Variants in DLGAP1 observed in about 807,000 individuals in gnomAD.
DLGAP1 encodes the protein disks large-associated protein 1.
A neutral mutation model predicts 90.8 loss-of-function variants in DLGAP1; 11 were observed. That is an observed-to-expected ratio of 0.12 (90% CI 0.08 to 0.20). The LOEUF is 0.20. DLGAP1 is among the 10% of genes least tolerant of loss of function. The probability of loss-of-function intolerance (pLI) is 1.00; values close to 1 mark genes in which losing one functional copy is unlikely to be tolerated. For synonymous variants in DLGAP1, 558 were observed against 540.7 expected, an observed-to-expected ratio of 1.03 and a Z score of -0.44; for missense variants, 1,050 against 1,333.8, an observed-to-expected ratio of 0.79 and a Z score of 3.31.
At chr18:3,817,116 G>A (rs2067144361) in intron 4 of DLGAP1, among the ~76,000 whole-genome samples, 1 of 62,462 alleles carries the variant, frequency 1.6e-5, no homozygotes, top group Non-Finnish European at 3.4e-5. Flanking sequence ...ACTTGGTACA[G>A]CTGAGGGTCA....
intron 1 of DLGAP1, among the ~76,000 whole-genome samples, chr18:4,267,862 C>G (rs1054998719): frequency 6.6e-6 from 1 of 152,130 alleles, no homozygotes; most frequent in Non-Finnish European, 1.5e-5. Context: ...AGCCGGCTTC[C>G]CTGAGTGAGT....
intron 1 of DLGAP1, among the ~76,000 whole-genome samples, chr18:4,412,932 C>T (rs2082810808): frequency 6.6e-6 from 1 of 152,140 alleles, no homozygotes; most frequent in Non-Finnish European, 1.5e-5. Flanking sequence ...GTGGTGCTGC[C>T]TTTTTAGGTG....
chr18:4,197,244 A>T (rs2077518665), intron 1 of DLGAP1, among the ~76,000 whole-genome samples: 1 of 151,538 alleles, frequency 6.6e-6, no homozygotes, highest in Non-Finnish European at 1.5e-5. Context: ...CCTTCCAGAG[A>T]AAGGCTTCCC....
intron 3 of DLGAP1, among the ~76,000 whole-genome samples, chr18:3,947,510 CACTT>C (rs762629558): frequency 6.6e-6 from 1 of 152,230 alleles, no homozygotes; most frequent in Non-Finnish European, 1.5e-5. Flanking sequence ...ATCAACCACT[CACTT>C]AGTCCCAGTT....
At chr18:3,690,341 C>G (rs2060851966) in intron 7 of DLGAP1, among the ~76,000 whole-genome samples, 1 of 152,044 alleles carries the variant, frequency 6.6e-6, no homozygotes, top group Non-Finnish European at 1.5e-5. Flanking sequence ...TCCCCTACGG[C>G]CTCTCAAAGT....
chr18:4,236,668 C>T (rs912408524), intron 1 of DLGAP1, among the ~76,000 whole-genome samples: 1 of 151,384 alleles, frequency 6.6e-6, no homozygotes, highest in African/African-American at 2.4e-5. Flanking sequence ...TTGTTTATTC[C>T]CCATGTTGAG....
chr18:4,303,741 A>G (rs1433165160), intron 1 of DLGAP1, among the ~76,000 whole-genome samples: 1 of 152,216 alleles, frequency 6.6e-6, no homozygotes, highest in Non-Finnish European at 1.5e-5. Flanking sequence ...TGCAAAGAGT[A>G]ATGTTCCCTG....
At chr18:4,130,718 G>A (rs1292355348) in intron 2 of DLGAP1, among the ~76,000 whole-genome samples, 1 of 152,048 alleles carries the variant, frequency 6.6e-6, no homozygotes, top group African/African-American at 2.4e-5. Flanking sequence ...GGCACATTGC[G>A]ACTAATGTCA....
intron 1 of DLGAP1, among the ~76,000 whole-genome samples, chr18:4,232,751 T>C (rs938956339): frequency 6.6e-6 from 1 of 152,138 alleles, no homozygotes; most frequent in Non-Finnish European, 1.5e-5. Context: ...GCTCCTCTCA[T>C]ATGGGACTTA....
intron 4 of DLGAP1, among the ~76,000 whole-genome samples, chr18:3,838,694 T>A (rs1338104800): frequency 6.6e-6 from 1 of 152,242 alleles, no homozygotes; most frequent in African/African-American, 2.4e-5. Context: ...TGCTTTACCA[T>A]TACTTTTACT....
At chr18:3,667,911 C>T (rs1372727298) in intron 7 of DLGAP1, among the ~76,000 whole-genome samples, 3 of 152,172 alleles carry the variant, frequency 2.0e-5, no homozygotes, top group Non-Finnish European at 4.4e-5. Context: ...TTCTAAACTC[C>T]TTATCTGCCC....
intron 1 of DLGAP1, chr18:4,430,494 T>TTCTGTGTCTGTGTGTG (rs2083261238): frequency 1.4e-5 from 1 of 73,234 alleles, no homozygotes; most frequent in Admixed American, 1.5e-4. Context: ...GTAAATAGTC[T>TTCTGTGTCTGTGTGTG]TGTGTGTCTG....
chr18:3,930,810 C>A (rs1404500917), intron 3 of DLGAP1, among the ~76,000 whole-genome samples: 1 of 152,136 alleles, frequency 6.6e-6, no homozygotes, highest in Non-Finnish European at 1.5e-5. Flanking sequence ...GAAAACTGCA[C>A]AGGATTATGA....
intron 7 of DLGAP1, among the ~76,000 whole-genome samples, chr18:3,675,970 G>T (rs2060283535): frequency 6.6e-6 from 1 of 152,164 alleles, no homozygotes; most frequent in African/African-American, 2.4e-5. Context: ...AGATAGTGAG[G>T]GTACGGAAGT....
At chr18:3,534,140 A>C in intron 10 of DLGAP1, 54 bp downstream of exon 10, 1 of 1,564,850 alleles carries the variant, frequency 6.4e-7, no homozygotes, top group Admixed American at 1.8e-5. Flanking sequence ...GTCTGCACAC[A>C]CAAAGCAACC....
At chr18:3,787,756 C>T (rs1393789954) in intron 5 of DLGAP1, among the ~76,000 whole-genome samples, 1 of 152,048 alleles carries the variant, frequency 6.6e-6, no homozygotes, top group Non-Finnish European at 1.5e-5. Flanking sequence ...GAAACCGATA[C>T]CCCAAAATAT....
At chr18:4,049,893 C>T (rs1443112352) in intron 2 of DLGAP1, among the ~76,000 whole-genome samples, 1 of 151,084 alleles carries the variant, frequency 6.6e-6, no homozygotes, top group Non-Finnish European at 1.5e-5. Context: ...CACGTATCTA[C>T]CTATGTATCC....
At chr18:4,225,751 A>C (rs2078172992) in intron 1 of DLGAP1, among the ~76,000 whole-genome samples, 1 of 152,002 alleles carries the variant, frequency 6.6e-6, no homozygotes, top group Non-Finnish European at 1.5e-5. Flanking sequence ...ATATACACAG[A>C]GGAGATAAAA....
intron 1 of DLGAP1, among the ~76,000 whole-genome samples, chr18:4,259,185 T>A (rs547986361): frequency 1.5e-4 from 23 of 152,210 alleles, no homozygotes; most frequent in African/African-American, 5.5e-4. Flanking sequence ...ACCACTGCGA[T>A]AGGTGGTTAG....
Sources: gnomAD v4.1 joint callset for allele counts (sites outside exome capture counted in the v4.1 genomes callset) on GRCh38, gnomAD v4.1.1 for gene constraint, MANE v1.5 for transcripts, NCBI Gene and HGNC (gene_info 2026-07-23, HGNC 2026-07-21) for gene names.